Variants in ECT2L observed in about 807,000 individuals in gnomAD.
ECT2L encodes epithelial cell-transforming sequence 2 oncogene-like.
In ECT2L, 126 loss-of-function variants were observed where a neutral mutation model predicts 122.8. That is an observed-to-expected ratio of 1.03 (90% CI 0.89 to 1.19). The LOEUF (loss-of-function observed/expected upper bound fraction) is 1.19, where lower values mean the gene tolerates loss of function less well. Ranked by LOEUF, ECT2L falls within the 50% of genes most tolerant of loss-of-function variation. The pLI is 0.00. For synonymous variants in ECT2L, 385 were observed against 381.8 expected, an observed-to-expected ratio of 1.01 and a Z score of -0.10; for missense variants, 1,012 against 1,064.1, an observed-to-expected ratio of 0.95 and a Z score of 0.68.
intron 20 of ECT2L, among the ~76,000 whole-genome samples, chr6:138,894,765 T>C (rs1029367694): frequency 1.3e-5 from 2 of 152,164 alleles, no homozygotes; most frequent in African/African-American, 4.8e-5. Context: ...TCTTTAAAAA[T>C]CCACTTGTAA....
At chr6:138,836,338 G>C (rs1319212125) in intron 4 of ECT2L, among the ~76,000 whole-genome samples, 1 of 147,886 alleles carries the variant, frequency 6.8e-6, no homozygotes, top group African/African-American at 2.5e-5. Flanking sequence ...ACCCAGGCTG[G>C]AGTACAGTGG....
chr6:138,902,472 A>G, intron 21 of ECT2L, 28 bp from the exon 22 acceptor site: 4 of 1,593,152 alleles, frequency 2.5e-6, no homozygotes, highest in Non-Finnish European at 3.4e-6. Context: ...TGCAAAGATT[A>G]ATTAGTATAC....
intron 20 of ECT2L, 75 bp from the exon 21 acceptor site, chr6:138,900,873 A>G: frequency 1.4e-6 from 2 of 1,480,474 alleles, no homozygotes; most frequent in Non-Finnish European, 1.8e-6. Context: ...TGACTTATCA[A>G]TTTCAAGATG....
At chr6:138,813,113 T>C (rs1188162039) in intron 2 of ECT2L, 59 bp from the exon 3 acceptor site, 8 of 545,244 alleles carry the variant, frequency 1.5e-5, no homozygotes, top group Admixed American at 7.1e-5. Flanking sequence ...ATATGTTATA[T>C]GTGAATTTCT....
At chr6:138,851,802 C>A (rs1777461537) in intron 9 of ECT2L, among the ~76,000 whole-genome samples, 1 of 152,060 alleles carries the variant, frequency 6.6e-6, no homozygotes, top group Admixed American at 6.6e-5. Flanking sequence ...CACTTTGATG[C>A]ACAAAAGTTT....
intron 13 of ECT2L, among the ~76,000 whole-genome samples, chr6:138,875,075 A>G (rs1778394088): frequency 6.6e-6 from 1 of 152,214 alleles, no homozygotes; most frequent in Admixed American, 6.5e-5. Flanking sequence ...TGAAAGAGTG[A>G]GACCCTGTCT....
At chr6:138,807,120 T>C (rs1775739220) in intron 1 of ECT2L, among the ~76,000 whole-genome samples, 2 of 151,384 alleles carry the variant, frequency 1.3e-5, no homozygotes, top group South Asian at 4.2e-4. Flanking sequence ...GGGGTATTTT[T>C]TTTTTTTTAA....
chr6:138,827,192 C>CA (rs1288297615), intron 4 of ECT2L, among the ~76,000 whole-genome samples: 1 of 151,946 alleles, frequency 6.6e-6, no homozygotes, highest in African/African-American at 2.4e-5. Context: ...ACTAAAGATA[C>CA]AAAAAATTAG....
chr6:138,858,426 C>T (rs1777696585), intron 10 of ECT2L, among the ~76,000 whole-genome samples: 1 of 152,026 alleles, frequency 6.6e-6, no homozygotes. Context: ...TTCTTTTTGG[C>T]ATTAAAAACA....
chr6:138,872,358 A>G (rs1778287128), intron 13 of ECT2L, among the ~76,000 whole-genome samples: 1 of 152,232 alleles, frequency 6.6e-6, no homozygotes, highest in East Asian at 1.9e-4. Context: ...ACTAGACAGC[A>G]AAGTAAGACA....
rs747515227 is a variant in ECT2L at position 138,881,151 on chromosome 6, A to G, written c.1860A>G (p.Leu620=). ...ANIQIIFCDI[L]QILSLNRQFL... ...TCCAGATCATTTTCTGTGACATTCT[A>G]CAGATTTTAAGTCTCAACAGGTAAA... The change falls in exon 15 of 22, where the codon CTA becomes CTG. Residue 620 remains leucine (L), a synonymous_variant. Coordinates refer to ENST00000541398, the MANE Select transcript of ECT2L (RefSeq NM_001077706.3). 3.1e-6 allele frequency: 5 copies of G among 1,614,048 alleles called. No homozygotes were observed. Among genetic ancestry groups the G allele is most frequent in the Admixed American group, 3.3e-5 (2 of 60,012 alleles).
intron 13 of ECT2L, among the ~76,000 whole-genome samples, chr6:138,869,066 C>G (rs886254591): frequency 6.6e-6 from 1 of 152,172 alleles, no homozygotes; most frequent in African/African-American, 2.4e-5. Flanking sequence ...GCTCAGGGGG[C>G]TGAGGCCAGG....
intron 5 of ECT2L, 75 bp downstream of exon 5, chr6:138,838,589 C>A: frequency 7.0e-7 from 1 of 1,432,398 alleles, no homozygotes; most frequent in Non-Finnish European, 9.3e-7. Flanking sequence ...TGGGGTAGCT[C>A]CCGTCCCTGA....
intron 12 of ECT2L, among the ~76,000 whole-genome samples, chr6:138,867,547 C>T (rs751454186): frequency 3.3e-5 from 5 of 151,044 alleles, no homozygotes; most frequent in South Asian, 2.1e-4. Context: ...CAGTGGCTCA[C>T]GCCTGTAATC....
At chr6:138,845,915 C>CA (rs574254288) in intron 7 of ECT2L, among the ~76,000 whole-genome samples, 6 of 150,674 alleles carry the variant, frequency 4.0e-5, no homozygotes, top group East Asian at 2.0e-4. Flanking sequence ...TCCCCCCACC[C>CA]AAAAAAAAAT....
At chr6:138,858,165 GTAAT>G (rs2128397068) in intron 10 of ECT2L, among the ~76,000 whole-genome samples, 1 of 152,206 alleles carries the variant, frequency 6.6e-6, no homozygotes, top group South Asian at 2.1e-4. Context: ...GACTCTAAAT[GTAAT>G]TTATATGCTG....
chr6:138,854,322 G>A (rs1777544520), intron 10 of ECT2L, among the ~76,000 whole-genome samples, 168 bp downstream of exon 10: 1 of 152,164 alleles, frequency 6.6e-6, no homozygotes, highest in African/African-American at 2.4e-5. Context: ...GTAGCAGTGA[G>A]GGATAGTGAT....
intron 13 of ECT2L, among the ~76,000 whole-genome samples, chr6:138,874,604 T>A (rs1320597386): frequency 6.6e-6 from 1 of 152,174 alleles, no homozygotes; most frequent in Non-Finnish European, 1.5e-5. Flanking sequence ...GGGGGGTCCA[T>A]GATGACACCT....
chr6:138,874,075 C>A lies in ECT2L; in HGVS notation c.1579-2397C>A, dbSNP rs541554107. ...CCAGAATTATAGTTGTTCCTGAACTCTACCTGTCATTTTCACAACTATTTC... is the reference window on the plus strand; with the variant it reads ...CCAGAATTATAGTTGTTCCTGAACTATACCTGTCATTTTCACAACTATTTC... On this transcript the variant is annotated intron_variant, in intron 13 of 21. Coordinates refer to ENST00000541398, the MANE Select transcript of ECT2L (RefSeq NM_001077706.3). Among the ~76,000 whole-genome samples the A allele has an allele frequency of 2.1e-4, 32 of 152,296 alleles. 1 individual carries two copies. The South Asian group carries it at 5.2e-3, about 25-fold the overall frequency.
Sources: allele counts gnomAD v4.1 joint callset (sites outside exome capture counted in the v4.1 genomes callset), GRCh38; gene constraint gnomAD v4.1.1; transcripts MANE v1.5; gene names NCBI Gene and HGNC (gene_info 2026-07-23, HGNC 2026-07-21).